The following NUDT3 variants were observed in gnomAD, a reference collection of about 807,000 sequenced individuals.
NUDT3 encodes the protein nudix hydrolase 3, also known as diphosphoinositol polyphosphate phosphohydrolase 1.
In NUDT3, 9 loss-of-function variants were observed where a neutral mutation model predicts 23.6. The ratio of observed to expected loss-of-function variants is 0.38; its 90% CI spans 0.23 to 0.66. The LOEUF (loss-of-function observed/expected upper bound fraction) is 0.66, where lower values mean the gene tolerates loss of function less well. Ranked by LOEUF, NUDT3 falls within the 30% of genes least tolerant of loss-of-function variation. The probability of loss-of-function intolerance (pLI) is 0.52; values close to 1 mark genes in which losing one functional copy is unlikely to be tolerated. For missense variants in NUDT3, 172 were observed against 218.5 expected (o/e 0.79, Z 1.34); for synonymous variants, 86 against 82.6 (o/e 1.04, Z -0.22).
chr6:34,389,549 T>C (rs1397146975), intron 1 of NUDT3, among the ~76,000 whole-genome samples: 3 of 152,138 alleles, frequency 2.0e-5, no homozygotes, highest in Non-Finnish European at 4.4e-5. Flanking sequence ...TCCCAGCTAC[T>C]TGGGAGGCTG....
At chr6:34,387,537 T>A (rs1353983607) in intron 1 of NUDT3, among the ~76,000 whole-genome samples, 2 of 151,794 alleles carry the variant, frequency 1.3e-5, no homozygotes, top group African/African-American at 4.8e-5. Context: ...AATAAAGATA[T>A]AATGAAGAAA....
chr6:34,372,991 G>A (rs1463933276), intron 1 of NUDT3, among the ~76,000 whole-genome samples: 1 of 151,382 alleles, frequency 6.6e-6, no homozygotes, highest in African/African-American at 2.4e-5. Context: ...GCGAGAGCAC[G>A]CGCGTGTGCC....
chr6:34,304,117 G>C (rs968745792), intron 2 of NUDT3, among the ~76,000 whole-genome samples: 1 of 152,004 alleles, frequency 6.6e-6, no homozygotes, highest in African/African-American at 2.4e-5. Flanking sequence ...GCTGGGTGTC[G>C]TGGCGCATGC....
chr6:34,353,281 G>A (rs959338239), intron 1 of NUDT3, among the ~76,000 whole-genome samples: 2 of 152,008 alleles, frequency 1.3e-5, no homozygotes, highest in Non-Finnish European at 2.9e-5. Flanking sequence ...AATAACCACA[G>A]GGTATGTTTT....
At chr6:34,372,240 A>C (rs949006039) in intron 1 of NUDT3, among the ~76,000 whole-genome samples, 1 of 152,114 alleles carries the variant, frequency 6.6e-6, no homozygotes, top group Non-Finnish European at 1.5e-5. Context: ...ATGATTTATA[A>C]TCCTTTGGGT....
At chr6:34,292,424 C>G (rs1305538299) in intron 4 of NUDT3, among the ~76,000 whole-genome samples, 1 of 152,106 alleles carries the variant, frequency 6.6e-6, no homozygotes, top group East Asian at 1.9e-4. Context: ...AGTAAACAAT[C>G]AAACCATGAA....
chr6:34,392,221 C>T, intron 1 of NUDT3, 43 bp downstream of exon 1: 15 of 1,497,076 alleles, frequency 1.0e-5, no homozygotes, highest in Non-Finnish European at 1.2e-5. Flanking sequence ...CCCGAAGGGG[C>T]CGGAGACCCG....
intron 1 of NUDT3, among the ~76,000 whole-genome samples, chr6:34,355,367 G>A (rs1764545961): frequency 6.6e-6 from 1 of 151,770 alleles, no homozygotes; most frequent in African/African-American, 2.4e-5. Flanking sequence ...TTGTATTTTT[G>A]GAATAAATCA....
chr6:34,323,910 G>T (rs180876135), intron 2 of NUDT3, among the ~76,000 whole-genome samples: 1 of 152,012 alleles, frequency 6.6e-6, no homozygotes, highest in African/African-American at 2.4e-5. Flanking sequence ...TCTTCTTTGC[G>T]CTGTCTTTTC....
intron 1 of NUDT3, among the ~76,000 whole-genome samples, chr6:34,387,790 T>TA (rs1765131894): frequency 6.6e-6 from 1 of 150,818 alleles, no homozygotes; most frequent in Admixed American, 6.6e-5. Flanking sequence ...GTCAGAATGT[T>TA]AAAAAATGTA....
At chr6:34,303,197 A>ATTTTTTTTTTTT (rs55915428) in intron 2 of NUDT3, among the ~76,000 whole-genome samples, 2 of 74,506 alleles carry the variant, frequency 2.7e-5, no homozygotes, top group Admixed American at 1.9e-4. Flanking sequence ...ATACCTGGCA[A>ATTTTTTTTTTTT]TTTTTTTTTT....
rs1763279058 is a variant in NUDT3, at chr6:34,281,509, A to AATTT, written c.*7243_*7244insAAAT. ...AACTGAAATTTTACTTATTCTAACC[A>AATTT]CCAACCTTTTCTTTGATTATCAACC... On this transcript the variant is annotated 3_prime_UTR_variant, in exon 5 of 5. Coordinates refer to ENST00000607016, the MANE Select transcript of NUDT3 (RefSeq NM_006703.4). 2 of 20,198 alleles carry AATTT rather than the reference A, an allele frequency of 9.9e-5. No individual in the cohort carries two copies. Among genetic ancestry groups the AATTT allele is most frequent in the Non-Finnish European group, 6.2e-4 (2 of 3,248 alleles). 1.3% of individuals were successfully genotyped at this position (20,198 alleles called of 1,614,324 possible).
intron 2 of NUDT3, among the ~76,000 whole-genome samples, chr6:34,332,623 C>T (rs77834142): frequency 0.096 from 14,614 of 152,230 alleles, 799 homozygotes; most frequent in Non-Finnish European, 0.12. Flanking sequence ...GTAGCATAAG[C>T]AATCTACAAA....
At chr6:34,391,012 C>A (rs1042512565) in intron 1 of NUDT3, among the ~76,000 whole-genome samples, 3 of 152,160 alleles carry the variant, frequency 2.0e-5, no homozygotes, top group African/African-American at 7.2e-5. Flanking sequence ...GTTTCCAAAT[C>A]TCCTTTCGTT....
chr6:34,367,314 C>T (rs9469775), intron 1 of NUDT3, among the ~76,000 whole-genome samples: 57,533 of 151,580 alleles, frequency 0.38, 14,154 homozygotes, highest in African/African-American at 0.68. Flanking sequence ...AAACCCCGTC[C>T]CTACAATTAA....
At chr6:34,378,037 C>T (rs906320911) in intron 1 of NUDT3, among the ~76,000 whole-genome samples, 2 of 150,844 alleles carry the variant, frequency 1.3e-5, no homozygotes, top group African/African-American at 4.9e-5. Flanking sequence ...CCAGGTGCAG[C>T]GGCTCACACC....
In NUDT3 at chr6:34,341,849, T is replaced by G. The variant is rs1243642326; in HGVS notation, c.210+13A>C. 1.2e-6 allele frequency: 2 copies of G among 1,612,542 alleles called. No homozygotes were observed. Among genetic ancestry groups the G allele is most frequent in the East Asian group, 4.5e-5 (2 of 44,864 alleles). ...GACGAGGCACAGCTGTGCCCTCTCT[T>G]CTCCATGCATACCTCCTCACAGACT... is the stretch of plus-strand genomic sequence containing the variant. On this transcript the variant is annotated intron_variant, in intron 2 of 4. Transcript: ENST00000607016.
chr6:34,371,471 A>G (rs1288229574), intron 1 of NUDT3, among the ~76,000 whole-genome samples: 1 of 152,190 alleles, frequency 6.6e-6, no homozygotes. Context: ...TCTCAAAAAA[A>G]AAAAGAAAAA....
intron 2 of NUDT3, among the ~76,000 whole-genome samples, chr6:34,313,664 A>T (rs999403849): frequency 7.1e-6 from 1 of 141,572 alleles, no homozygotes; most frequent in Non-Finnish European, 1.5e-5. Context: ...AAAACGGCTT[A>T]AAAAAAAAAA....
Sources: gnomAD v4.1 joint callset for allele counts (sites outside exome capture counted in the v4.1 genomes callset) on GRCh38, gnomAD v4.1.1 for gene constraint, MANE v1.5 for transcripts, NCBI Gene and HGNC (gene_info 2026-07-23, HGNC 2026-07-21) for gene names.